Variants in COG4 observed in about 807,000 individuals in gnomAD.
The protein encoded by COG4 is component of oligomeric golgi complex 4.
A neutral mutation model predicts 95.1 loss-of-function variants in COG4; 65 were observed. The ratio of observed to expected loss-of-function variants is 0.68; its 90% CI spans 0.56 to 0.84. COG4 has a LOEUF of 0.84. Among genes scored for constraint, COG4 ranks in the 40% least tolerant of loss-of-function variants. The pLI is 0.00. For missense variants in COG4, 1,045 were observed against 989.1 expected (o/e 1.06, Z -0.76); for synonymous variants, 421 against 374.8 (o/e 1.12, Z -1.42).
chr16:70,515,693 A>C (rs1308846202), intron 3 of COG4, among the ~76,000 whole-genome samples: 1 of 152,022 alleles, frequency 6.6e-6, no homozygotes, highest in Non-Finnish European at 1.5e-5. Context: ...AAAATCAATC[A>C]ATCAATCAAT....
chr16:70,497,299 C>A lies in COG4; in HGVS notation c.1403G>T (p.Arg468Leu), dbSNP rs200052272. Reference sequence around the variant, plus strand: ...GTCAATGCTGGAGCTGGACAGAGCCCGCCCAATGCACTTCTTAACAATGTA... The same window carrying A: ...GTCAATGCTGGAGCTGGACAGAGCCAGCCCAATGCACTTCTTAACAATGTA... ...VFYIVKKCIGRALSSSSIDCL... is the reference protein window; with the variant it reads ...VFYIVKKCIGLALSSSSIDCL... Residue 468 changes from arginine to leucine, a missense_variant, in exon 11 of 19, where the codon CGG becomes CTG. Arg to Leu is a moderately radical substitution (Grantham distance 102). Transcript: ENST00000323786. The A allele has an allele frequency of 6.2e-7, 1 of 1,614,070 alleles. No individual in the cohort carries two copies. Among genetic ancestry groups the A allele is most frequent in the Non-Finnish European group, 8.5e-7 (1 of 1,180,018 alleles).
chr16:70,494,843 A>G (rs1285401196), intron 12 of COG4, among the ~76,000 whole-genome samples: 2 of 152,248 alleles, frequency 1.3e-5, no homozygotes, highest in African/African-American at 4.8e-5. Flanking sequence ...CAACTTTCAC[A>G]GGCAACAGTT....
chr16:70,492,895 G>A (rs1198765959), intron 12 of COG4, among the ~76,000 whole-genome samples: 14 of 145,348 alleles, frequency 9.6e-5, no homozygotes, highest in African/African-American at 2.8e-4. Context: ...CCTATGAGGC[G>A]GAGGTTGCAG....
chr16:70,517,310 C>T lies in COG4; in HGVS notation c.369+316G>A, dbSNP rs112818197. ...TGTTGGGAGGCCGAGGCGGGCAGAT[C>T]ACCTGAGGTCAGGAGTTTGAGGCCA... On this transcript the variant is annotated intron_variant, in intron 3 of 18. Transcript: ENST00000323786. Among the ~76,000 whole-genome samples the T allele has an allele frequency of 6.5e-3, 994 of 152,110 alleles. 13 individuals carry two copies. The highest frequency in any genetic ancestry group is 0.022 in the African/African-American group (933 of 41,520).
chr16:70,481,129 CG>C lies in COG4; in HGVS notation c.2250del (p.Asp751IlefsTer10). 1 of 1,613,420 alleles carries C rather than the reference CG, an allele frequency of 6.2e-7. No homozygotes were observed. The highest frequency in any genetic ancestry group is 1.1e-5 in the South Asian group (1 of 91,076). On this transcript the variant is annotated frameshift_variant, in exon 19 of 19. Transcript: ENST00000323786. LOFTEE classifies it high-confidence loss of function. ...GGGCCGGAATTGGGTCCCCAGTAAT[CG>C]AGGATCTCGGTCACCTGTGGGGAAG... ...ILNLERVTEI[L>X]DYWGPNSGPL...
At chr16:70,494,261 G>A (rs2049298140) in intron 12 of COG4, among the ~76,000 whole-genome samples, 2 of 152,164 alleles carry the variant, frequency 1.3e-5, no homozygotes, top group African/African-American at 4.8e-5. Context: ...GAGGACTTCT[G>A]GATTTGAGTT....
At chr16:70,507,936 T>G (rs1165591725) in intron 8 of COG4, among the ~76,000 whole-genome samples, 5 of 152,064 alleles carry the variant, frequency 3.3e-5, no homozygotes, top group Non-Finnish European at 5.9e-5. Flanking sequence ...TTATTTATTT[T>G]TTGAGACAGA....
rs1021242970 is a variant in COG4 at position 70,499,926 on chromosome 16, C to T, written c.1195+1032G>A. Among the ~76,000 whole-genome samples the T allele has an allele frequency of 2.0e-5, 3 of 152,048 alleles. No individual in the cohort carries two copies. The East Asian group carries it at 5.8e-4, about 29-fold the overall frequency. On this transcript the variant is annotated intron_variant, in intron 9 of 18. Coordinates refer to ENST00000323786, the MANE Select transcript of COG4 (RefSeq NM_015386.3). The stretch of plus-strand genomic sequence containing the variant: ...CCGCCTGCCTCGGCCTCCCAAAGTG[C>T]TGGGATTACAGGCGTGAGCCACCGC...
chr16:70,500,826 C>A, intron 9 of COG4, 132 bp downstream of exon 9: 1 of 1,065,122 alleles, frequency 9.4e-7, no homozygotes, highest in South Asian at 1.3e-5. Context: ...TCCTGGGAGT[C>A]AATTTGCCTA....
chr16:70,515,879 G>T (rs1300542134), intron 3 of COG4: 2 of 398,042 alleles, frequency 5.0e-6, no homozygotes, highest in Admixed American at 6.5e-5. Flanking sequence ...GTGTTCCAAG[G>T]TTTGGTCTCC....
At chr16:70,498,944 G>A (rs958375697) in intron 9 of COG4, among the ~76,000 whole-genome samples, 3 of 152,160 alleles carry the variant, frequency 2.0e-5, no homozygotes, top group Non-Finnish European at 4.4e-5. Flanking sequence ...GTCAGGTGTG[G>A]TGGCTCACAC....
At chr16:70,523,305 G>T in intron 1 of COG4, 68 bp downstream of exon 1, 2 of 1,586,928 alleles carry the variant, frequency 1.3e-6, no homozygotes, top group Non-Finnish European at 1.7e-6. Flanking sequence ...CCACAGCCCG[G>T]ATTTCCCGAC....
At chr16:70,481,692 G>A (rs977190626) in intron 17 of COG4, 72 bp downstream of exon 17, 18 of 1,421,328 alleles carry the variant, frequency 1.3e-5, no homozygotes, top group Non-Finnish European at 1.7e-5. Flanking sequence ...TGCAAGTCCT[G>A]GGGGTGGTGG....
Position 70,514,496 on chromosome 16 carries a change from T to C in COG4, c.383A>G (p.Gln128Arg), listed in dbSNP as rs1336942300. 4 of 1,613,956 alleles carry C rather than the reference T, an allele frequency of 2.5e-6. No homozygotes were observed. The highest frequency in any genetic ancestry group is 3.4e-6 in the Non-Finnish European group (4 of 1,180,016). Residue 128 changes from glutamine (Q) to arginine (R), a missense_variant, in exon 4 of 19, where the codon CAG becomes CGG. Transcript: ENST00000323786. ...GATGTCATCAGCTCTCTGAATGGCC[T>C]GATAGAGGCGGTTCTGCAAAAAGAT... The part of the protein sequence containing the change: ...QLDLAKNRLY[Q>R]AIQRADDILD...
intron 2 of COG4, among the ~76,000 whole-genome samples, chr16:70,518,964 C>T (rs955216516): frequency 1.4e-5 from 2 of 146,780 alleles, no homozygotes; most frequent in African/African-American, 2.6e-5. Flanking sequence ...GGGACAAAAA[C>T]GAAGCTCCAT....
rs759526739 is a variant in COG4 at position 70,483,988 on chromosome 16, G to C, written c.1711-19C>G. On this transcript the variant is annotated intron_variant, in intron 13 of 18. Transcript: ENST00000323786. ...AGTCACTCTAGGGGAGAACACTGCT[G>C]TAAGACCACCGAGCACGCGTGGGCC... The C allele has an allele frequency of 1.3e-6, 2 of 1,572,244 alleles. No homozygotes were observed. Among genetic ancestry groups the C allele is most frequent in the Admixed American group, 1.7e-5 (1 of 59,958 alleles).
At chr16:70,499,476 C>T (rs2049404748) in intron 9 of COG4, among the ~76,000 whole-genome samples, 1 of 152,226 alleles carries the variant, frequency 6.6e-6, no homozygotes, top group Non-Finnish European at 1.5e-5. Flanking sequence ...CAGAATGCCA[C>T]AGATGCTGGG....
chr16:70,496,727 A>G (rs2049347626), intron 11 of COG4, among the ~76,000 whole-genome samples: 1 of 152,218 alleles, frequency 6.6e-6, no homozygotes, highest in South Asian at 2.1e-4. Context: ...TAGTGAACGC[A>G]GTACCATGTA....
chr16:70,482,939 T>A, intron 14 of COG4, 118 bp from the exon 15 acceptor site: 1 of 611,908 alleles, frequency 1.6e-6, no homozygotes, highest in Non-Finnish European at 2.8e-6. Context: ...CCTCTCCCCA[T>A]CCCTTCCTTC....
Sources: allele counts gnomAD v4.1 joint callset (sites outside exome capture counted in the v4.1 genomes callset), GRCh38; gene constraint gnomAD v4.1.1; transcripts MANE v1.5; gene names NCBI Gene and HGNC (gene_info 2026-07-23, HGNC 2026-07-21).